Variants in KCNB2 observed in about 807,000 individuals in gnomAD.
KCNB2 encodes potassium voltage-gated channel subfamily B member 2, also known as delayed rectifier potassium channel protein.
A neutral mutation model predicts 61.5 loss-of-function variants in KCNB2; 15 were observed. The observed-to-expected ratio is 0.24, with a 90% CI of 0.16 to 0.38. KCNB2 has a LOEUF of 0.38. Among genes scored for constraint, KCNB2 ranks in the 10% least tolerant of loss-of-function variants. The probability of loss-of-function intolerance (pLI) is 1.00; values close to 1 mark genes in which losing one functional copy is unlikely to be tolerated. For missense variants in KCNB2, 828 were observed against 1,125.2 expected, an observed-to-expected ratio of 0.74 and a Z score of 3.78; for synonymous variants, 457 against 446.0, an observed-to-expected ratio of 1.02 and a Z score of -0.31.
At chr8:72,549,741 TTC>T (rs1806315676) in intron 1 of KCNB2, among the ~76,000 whole-genome samples, 1 of 152,184 alleles carries the variant, frequency 6.6e-6, no homozygotes, top group Non-Finnish European at 1.5e-5. Context: ...CACGCCTGTG[TTC>T]TCTTTGGCTC....
intron 2 of KCNB2, among the ~76,000 whole-genome samples, chr8:72,598,477 G>A (rs138237754): frequency 0.058 from 8,699 of 151,014 alleles, 408 homozygotes; most frequent in African/African-American, 0.13. Context: ...ATCTATGACA[G>A]ACCTACAGCC....
chr8:72,557,784 G>A (rs1806451363), intron 1 of KCNB2, among the ~76,000 whole-genome samples: 1 of 152,166 alleles, frequency 6.6e-6, no homozygotes, highest in Admixed American at 6.5e-5. Flanking sequence ...GGGCCTGGTA[G>A]TTTTTTGAGG....
chr8:72,916,613 T>G (rs1448123456), intron 2 of KCNB2, among the ~76,000 whole-genome samples: 1 of 152,162 alleles, frequency 6.6e-6, no homozygotes, highest in Non-Finnish European at 1.5e-5. Context: ...GACAGCCTTT[T>G]GCATCTGCAC....
At chr8:72,856,127 T>C (rs905180196) in intron 2 of KCNB2, among the ~76,000 whole-genome samples, 3 of 152,146 alleles carry the variant, frequency 2.0e-5, no homozygotes, top group Non-Finnish European at 4.4e-5. Context: ...TATAATATAA[T>C]GCAAGTCACA....
intron 2 of KCNB2, chr8:72,619,334 G>C: frequency 3.4e-6 from 2 of 596,966 alleles, no homozygotes; most frequent in Non-Finnish European, 6.5e-6. Flanking sequence ...CCATGAGAAG[G>C]TCTTGAAGAG....
chr8:72,650,624 G>A (rs1480046944), intron 2 of KCNB2, among the ~76,000 whole-genome samples: 1 of 152,134 alleles, frequency 6.6e-6, no homozygotes, highest in Non-Finnish European at 1.5e-5. Context: ...TCTGCATTCA[G>A]CATCACAAGC....
chr8:72,705,672 TG>T (rs1193058374), intron 2 of KCNB2, among the ~76,000 whole-genome samples: 1 of 152,178 alleles, frequency 6.6e-6, no homozygotes, highest in African/African-American at 2.4e-5. Context: ...ATTTGTGGGC[TG>T]GTGGAGGAAG....
intron 2 of KCNB2, among the ~76,000 whole-genome samples, chr8:72,821,660 A>ACG (rs1809514013): frequency 1.9e-4 from 20 of 104,350 alleles, no homozygotes; most frequent in Non-Finnish European, 1.5e-4. Flanking sequence ...AAAAAAAAAA[A>ACG]CACACACACA....
At chr8:72,748,727 C>A (rs1051012744) in intron 2 of KCNB2, among the ~76,000 whole-genome samples, 1 of 144,436 alleles carries the variant, frequency 6.9e-6, no homozygotes, top group Non-Finnish European at 1.5e-5. Context: ...TTTACTCTTT[C>A]TTATTTTTAT....
chr8:72,891,306 G>A (rs929945538), intron 2 of KCNB2, among the ~76,000 whole-genome samples: 2 of 152,154 alleles, frequency 1.3e-5, no homozygotes, highest in African/African-American at 2.4e-5. Flanking sequence ...AGCTGGAGAT[G>A]GTAACATTTA....
At chr8:72,930,162 G>T (rs1806748851) in intron 2 of KCNB2, among the ~76,000 whole-genome samples, 1 of 151,896 alleles carries the variant, frequency 6.6e-6, no homozygotes, top group Non-Finnish European at 1.5e-5. Flanking sequence ...GTATTCCATG[G>T]TGTATATGTG....
At chr8:72,746,204 C>T (rs1808061836) in intron 2 of KCNB2, among the ~76,000 whole-genome samples, 1 of 152,122 alleles carries the variant, frequency 6.6e-6, no homozygotes, top group Admixed American at 6.5e-5. Flanking sequence ...AGCAGTATTT[C>T]TGTGTGCTTC....
intron 1 of KCNB2, among the ~76,000 whole-genome samples, chr8:72,555,793 T>C (rs1051388412): frequency 5.3e-5 from 8 of 151,932 alleles, no homozygotes; most frequent in Non-Finnish European, 7.4e-5. Flanking sequence ...TTAGGGTACA[T>C]GTATGTGCAC....
intron 2 of KCNB2, among the ~76,000 whole-genome samples, chr8:72,686,255 C>G (rs1239712621): frequency 1.3e-5 from 2 of 152,144 alleles, no homozygotes; most frequent in East Asian, 3.9e-4. Flanking sequence ...GCAGTATGAG[C>G]TTGTTGGAGT....
chr8:72,914,235 G>A (rs1037629129), intron 2 of KCNB2, among the ~76,000 whole-genome samples: 3 of 152,064 alleles, frequency 2.0e-5, no homozygotes, highest in Non-Finnish European at 4.4e-5. Flanking sequence ...ACCTCCCAAA[G>A]CATTCCCCCA....
At chr8:72,684,471 T>C (rs1051124319) in intron 2 of KCNB2, among the ~76,000 whole-genome samples, 5 of 152,038 alleles carry the variant, frequency 3.3e-5, no homozygotes, top group Non-Finnish European at 7.4e-5. Flanking sequence ...GTCAGAGTCC[T>C]TGGGAATCAC....
chr8:72,811,889 G>A (rs1234271205), intron 2 of KCNB2, among the ~76,000 whole-genome samples: 1 of 152,188 alleles, frequency 6.6e-6, no homozygotes, highest in Admixed American at 6.6e-5. Context: ...TGAGATTTAT[G>A]CACCTTCACG....
At chr8:72,705,049 G>A (rs892471789) in intron 2 of KCNB2, among the ~76,000 whole-genome samples, 6 of 152,086 alleles carry the variant, frequency 3.9e-5, no homozygotes, top group African/African-American at 1.4e-4. Flanking sequence ...TGGGTACAGA[G>A]GGCTGACTGT....
chr8:72,798,733 C>T (rs916980631), intron 2 of KCNB2, among the ~76,000 whole-genome samples: 1 of 152,082 alleles, frequency 6.6e-6, no homozygotes, highest in Admixed American at 6.6e-5. Flanking sequence ...CACAGTATTA[C>T]TCCCCCTAAT....
Sources: gnomAD v4.1 joint callset for allele counts (sites outside exome capture counted in the v4.1 genomes callset) on GRCh38, gnomAD v4.1.1 for gene constraint, MANE v1.5 for transcripts, NCBI Gene and HGNC (gene_info 2026-07-23, HGNC 2026-07-21) for gene names.